The following SGCZ variants were observed in gnomAD, a reference collection of about 807,000 sequenced individuals.
SGCZ encodes sarcoglycan zeta, also known as zeta-sarcoglycan.
Under a neutral mutation model 41.3 loss-of-function variants are expected in SGCZ, and 40 were observed. The ratio of observed to expected loss-of-function variants is 0.97; its 90% CI spans 0.75 to 1.26. SGCZ has a LOEUF of 1.26. Among genes scored for constraint, SGCZ ranks in the 50% most tolerant of loss-of-function variants. The pLI, the probability that SGCZ is intolerant of heterozygous loss-of-function variation, is 0.00. For missense variants in SGCZ, 552 were observed against 369.8 expected (o/e 1.49, Z -4.04); for synonymous variants, 206 against 137.5 (o/e 1.50, Z -3.49).
At chr8:14,294,088 C>G (rs1218717559) in intron 3 of SGCZ, among the ~76,000 whole-genome samples, 1 of 151,544 alleles carries the variant, frequency 6.6e-6, no homozygotes, top group Non-Finnish European at 1.5e-5. Context: ...ATAATATATT[C>G]TAGTTATTAC....
At chr8:14,338,812 C>T (rs1296559818) in intron 2 of SGCZ, among the ~76,000 whole-genome samples, 1 of 152,046 alleles carries the variant, frequency 6.6e-6, no homozygotes, top group African/African-American at 2.4e-5. Flanking sequence ...AGTATTGATG[C>T]TACAAATGTG....
chr8:15,160,871 C>T (rs1158602435), intron 1 of SGCZ, among the ~76,000 whole-genome samples: 1 of 152,150 alleles, frequency 6.6e-6, no homozygotes, highest in East Asian at 1.9e-4. Flanking sequence ...GCAGAGGCAT[C>T]CTTGAGACAG....
chr8:14,803,749 C>T (rs1322447836), intron 1 of SGCZ, among the ~76,000 whole-genome samples: 1 of 151,292 alleles, frequency 6.6e-6, no homozygotes, highest in South Asian at 2.1e-4. Context: ...GGCCTGCCTG[C>T]CTCTGTAGGC....
intron 1 of SGCZ, among the ~76,000 whole-genome samples, chr8:14,647,382 G>C (rs975348717): frequency 6.6e-5 from 10 of 151,960 alleles, no homozygotes; most frequent in African/African-American, 2.2e-4. Flanking sequence ...ATTAGTAAAA[G>C]TTATAAATAG....
At chr8:14,937,652 C>T (rs1039540322) in intron 1 of SGCZ, among the ~76,000 whole-genome samples, 6 of 152,196 alleles carry the variant, frequency 3.9e-5, no homozygotes, top group Admixed American at 3.3e-4. Context: ...ATGAAAATCT[C>T]TTTCATTACA....
chr8:14,706,908 G>T (rs2117613268), intron 1 of SGCZ, among the ~76,000 whole-genome samples: 1 of 150,734 alleles, frequency 6.6e-6, no homozygotes, highest in East Asian at 2.0e-4. Flanking sequence ...GTAAAATACA[G>T]CCAGAAATTC....
intron 3 of SGCZ, among the ~76,000 whole-genome samples, chr8:14,282,847 C>CTTTTCTT (rs1800492107): frequency 1.1e-5 from 1 of 89,930 alleles, no homozygotes; most frequent in Non-Finnish European, 2.0e-5. Flanking sequence ...CTTTCAAATA[C>CTTTTCTT]TTTTTTTTTT....
rs530206251 is a variant in SGCZ at position 14,909,360 on chromosome 8, G to A, written c.39+328225C>T. On this transcript the variant is annotated intron_variant, in intron 1 of 7. Coordinates refer to ENST00000382080, the MANE Select transcript of SGCZ (RefSeq NM_139167.4). ...TTTGAAGTGTTTACATATTTTTCTT[G>A]GTGTGAACTTCACTGTCTTTAATTA... Among the ~76,000 whole-genome samples the A allele has an allele frequency of 6.6e-5, 10 of 151,720 alleles. No individual in the cohort carries two copies. The East Asian group carries it at 1.9e-3, about 29-fold the overall frequency.
At chr8:14,295,005 T>C (rs1472190750) in intron 3 of SGCZ, among the ~76,000 whole-genome samples, 1 of 152,138 alleles carries the variant, frequency 6.6e-6, no homozygotes, top group African/African-American at 2.4e-5. Context: ...ATGATATAAT[T>C]TGAAAAACAT....
At chr8:14,686,203 T>A (rs1302226560) in intron 1 of SGCZ, among the ~76,000 whole-genome samples, 2 of 152,124 alleles carry the variant, frequency 1.3e-5, no homozygotes, top group Non-Finnish European at 2.9e-5. Context: ...AGTATATGTT[T>A]AGAAGTAATT....
intron 1 of SGCZ, among the ~76,000 whole-genome samples, chr8:14,606,568 T>C (rs1805756569): frequency 6.6e-6 from 1 of 152,312 alleles, no homozygotes; most frequent in East Asian, 1.9e-4. Flanking sequence ...AGTCCCTTTG[T>C]CCCTTCCCCC....
chr8:14,127,948 G>C (rs11993274), intron 5 of SGCZ, among the ~76,000 whole-genome samples: 27,501 of 151,962 alleles, frequency 0.18, 3,303 homozygotes, highest in East Asian at 0.63. Context: ...GTAGACCAAA[G>C]TGTCTGTTGT....
At chr8:14,297,216 C>G (rs998551327) in intron 3 of SGCZ, among the ~76,000 whole-genome samples, 11 of 152,084 alleles carry the variant, frequency 7.2e-5, no homozygotes, top group African/African-American at 2.7e-4. Flanking sequence ...AGCCACTGCA[C>G]TCGGCCCTGA....
intron 1 of SGCZ, among the ~76,000 whole-genome samples, chr8:14,894,199 C>T (rs1413113910): frequency 1.3e-5 from 2 of 151,944 alleles, no homozygotes; most frequent in Non-Finnish European, 2.9e-5. Context: ...TTAAACTTTG[C>T]TGTTATTTTT....
intron 1 of SGCZ, among the ~76,000 whole-genome samples, chr8:15,065,669 G>A (rs867426648): frequency 6.6e-6 from 1 of 151,868 alleles, no homozygotes; most frequent in Non-Finnish European, 1.5e-5. Flanking sequence ...AAACTCATGA[G>A]CTCAAGCAAT....
intron 4 of SGCZ, among the ~76,000 whole-genome samples, chr8:14,231,255 G>A (rs66554163): frequency 2.7e-5 from 4 of 148,358 alleles, no homozygotes; most frequent in Admixed American, 2.0e-4. Context: ...GAGAGACACA[G>A]AGAGAGAGAG....
intron 2 of SGCZ, among the ~76,000 whole-genome samples, chr8:14,521,722 C>T (rs530087494): frequency 2.0e-5 from 3 of 152,210 alleles, no homozygotes; most frequent in Admixed American, 6.5e-5. Flanking sequence ...ATATTCCAAA[C>T]GGCTATATCA....
At chr8:14,230,094 T>C (rs1410107143) in intron 4 of SGCZ, among the ~76,000 whole-genome samples, 1 of 152,102 alleles carries the variant, frequency 6.6e-6, no homozygotes, top group Non-Finnish European at 1.5e-5. Flanking sequence ...TGTCAAAACA[T>C]CAAATCAGAT....
intron 1 of SGCZ, among the ~76,000 whole-genome samples, chr8:14,963,470 C>T (rs776134389): frequency 3.9e-5 from 6 of 151,988 alleles, no homozygotes; most frequent in Middle Eastern, 3.4e-3. Context: ...TCCTGAGTAG[C>T]GGGAATTACA....
Sources: allele counts gnomAD v4.1 joint callset (sites outside exome capture counted in the v4.1 genomes callset), GRCh38; gene constraint gnomAD v4.1.1; transcripts MANE v1.5; gene names NCBI Gene and HGNC (gene_info 2026-07-23, HGNC 2026-07-21).